The following MINDY2 variants were observed in gnomAD, a reference collection of about 807,000 sequenced individuals.
MINDY2 encodes MINDY lysine 48 deubiquitinase 2, also known as ubiquitin carboxyl-terminal hydrolase MINDY-2.
MINDY2 carries 52 observed loss-of-function variants against 68.2 expected under a neutral mutation model. That is an observed-to-expected ratio of 0.76 (90% CI 0.61 to 0.96). The LOEUF is 0.96. Ranked by LOEUF, MINDY2 falls within the 40% of genes least tolerant of loss-of-function variation. MINDY2 has a pLI of 0.00. For missense variants in MINDY2, 881 were observed against 773.4 expected (o/e 1.14, Z -1.65); for synonymous variants, 372 against 303.0 (o/e 1.23, Z -2.36).
chr15:58,795,521 C>G lies in MINDY2; in HGVS notation c.899-6792C>G, dbSNP rs543882115. Among the ~76,000 whole-genome samples the G allele has an allele frequency of 2.0e-5, 3 of 152,250 alleles. No individual in the cohort carries two copies. In the East Asian group the frequency reaches 5.8e-4, roughly 30 times the overall value. ...TCGGGTTCACGCCGTTCTCCTGCCTCAGCCTCCTGAGTAGCTGGGACTACA... is the reference window on the plus strand; with the variant it reads ...TCGGGTTCACGCCGTTCTCCTGCCTGAGCCTCCTGAGTAGCTGGGACTACA... On this transcript the variant is annotated intron_variant, in intron 2 of 8. Coordinates refer to ENST00000559228, the MANE Select transcript of MINDY2 (RefSeq NM_001040450.3).
chr15:58,828,050 T>C (rs2031508599), intron 5 of MINDY2, among the ~76,000 whole-genome samples: 1 of 151,462 alleles, frequency 6.6e-6, no homozygotes, highest in East Asian at 2.0e-4. Context: ...CTGGCCAACA[T>C]GGTGAGACCC....
At chr15:58,832,743 T>C (rs1051334423) in intron 6 of MINDY2, among the ~76,000 whole-genome samples, 1 of 151,596 alleles carries the variant, frequency 6.6e-6, no homozygotes, top group African/African-American at 2.4e-5. Context: ...GTCAGGCTGG[T>C]CTCAAACTCC....
intron 8 of MINDY2, 120 bp downstream of exon 8, chr15:58,852,085 GAGACC>G (rs1481213066): frequency 1.5e-6 from 1 of 677,916 alleles, no homozygotes; most frequent in East Asian, 3.0e-5. Context: ...CCAGGAGTTC[GAGACC>G]AGCCTGGCCA....
At chr15:58,791,055 G>A (rs1158996643) in intron 2 of MINDY2, among the ~76,000 whole-genome samples, 2 of 149,890 alleles carry the variant, frequency 1.3e-5, no homozygotes, top group Non-Finnish European at 1.5e-5. Flanking sequence ...TGGCGGGCAC[G>A]TGTAGTCCCA....
intron 2 of MINDY2, among the ~76,000 whole-genome samples, chr15:58,794,359 GTGTGT>G (rs1567045715): frequency 5.4e-5 from 1 of 18,420 alleles, no homozygotes; most frequent in African/African-American, 9.5e-5. Flanking sequence ...TTTTTTTGGG[GTGTGT>G]GTGTGTGTGT....
intron 6 of MINDY2, among the ~76,000 whole-genome samples, chr15:58,843,305 A>G (rs535069738): frequency 4.0e-4 from 61 of 152,118 alleles, no homozygotes; most frequent in African/African-American, 1.4e-3. Context: ...ATGTACCACT[A>G]CACCTGGCTA....
intron 1 of MINDY2, 28 bp downstream of exon 1, chr15:58,772,263 C>A: frequency 6.2e-7 from 1 of 1,604,204 alleles, no homozygotes; most frequent in Non-Finnish European, 8.5e-7. Context: ...CTACTTCCTA[C>A]AGCTTTTGGG....
chr15:58,840,911 G>A (rs1234404348), intron 6 of MINDY2, among the ~76,000 whole-genome samples: 2 of 146,034 alleles, frequency 1.4e-5, no homozygotes, highest in South Asian at 4.3e-4. Flanking sequence ...CTCGTGATCT[G>A]CCTGACTCGG....
chr15:58,771,493 C>T lies in MINDY2; in HGVS notation c.98C>T (p.Thr33Ile), dbSNP rs773512320. 1.2e-6 allele frequency: 2 copies of T among 1,612,318 alleles called. No homozygotes were observed. The highest frequency in any genetic ancestry group is 2.2e-5 in the East Asian group (1 of 44,878). ...TCTTCGCAGGAAGGGCTACAGGAGACCAGGCTCGCCGCTGGTGATGGTCCT... is the reference window on the plus strand; with the variant it reads ...TCTTCGCAGGAAGGGCTACAGGAGATCAGGCTCGCCGCTGGTGATGGTCCT... Reference protein sequence around the residue: ...TGSSQEGLQETRLAAGDGPGV... With the variant: ...TGSSQEGLQEIRLAAGDGPGV... The change falls in exon 1 of 9, where the codon ACC (threonine) becomes ATC (isoleucine). Residue 33 changes from threonine to isoleucine, a missense_variant. Physicochemically the swap from Thr to Ile is moderately conservative, Grantham distance 89 (BLOSUM62 -1). Transcript: ENST00000559228.
At chr15:58,836,788 T>A (rs1301629801) in intron 6 of MINDY2, among the ~76,000 whole-genome samples, 11 of 151,936 alleles carry the variant, frequency 7.2e-5, no homozygotes, top group South Asian at 2.1e-4. Flanking sequence ...CTGGCCAATT[T>A]AAAATTTTTT....
At chr15:58,822,055 G>A (rs954762874) in intron 5 of MINDY2, among the ~76,000 whole-genome samples, 1 of 152,058 alleles carries the variant, frequency 6.6e-6, no homozygotes, top group Non-Finnish European at 1.5e-5. Context: ...TTCAGGATCA[G>A]CCTGGCCAAC....
chr15:58,840,342 T>A (rs1277638871), intron 6 of MINDY2, among the ~76,000 whole-genome samples: 1 of 152,218 alleles, frequency 6.6e-6, no homozygotes, highest in Non-Finnish European at 1.5e-5. Context: ...TTATCATTCC[T>A]AGTTTTGTGG....
chr15:58,804,586 T>A (rs1241394182), intron 3 of MINDY2, among the ~76,000 whole-genome samples: 1 of 152,148 alleles, frequency 6.6e-6, no homozygotes, highest in Non-Finnish European at 1.5e-5. Flanking sequence ...AGCAGGCGGA[T>A]TGCTTGAGCC....
intron 1 of MINDY2, among the ~76,000 whole-genome samples, chr15:58,778,937 T>C (rs1377952331): frequency 3.3e-5 from 5 of 151,956 alleles, no homozygotes; most frequent in African/African-American, 1.2e-4. Context: ...AATTTTTGTA[T>C]TTTTAGTAGA....
rs1347282459 is a variant in MINDY2, at chr15:58,771,730, C to G, written c.335C>G (p.Pro112Arg). 4 of 1,611,698 alleles carry G rather than the reference C, an allele frequency of 2.5e-6. No homozygotes were observed. The highest frequency in any genetic ancestry group is 2.5e-6 in the Non-Finnish European group (3 of 1,179,608). ...GGGCAGTACAAGGTGACCGCCTCCC[C>G]GGAGACAGCCGTGGCCGGAGTGGGT... ...LRGQYKVTAS[P>R]ETAVAGVGHE... is the part of the protein sequence containing the mutation. The change falls in exon 1 of 9, where the codon CCG becomes CGG. Residue 112 changes from proline to arginine, a missense_variant. Physicochemically the swap from Pro to Arg is moderately radical, Grantham distance 103 (BLOSUM62 -2). Transcript: ENST00000559228.
intron 1 of MINDY2, among the ~76,000 whole-genome samples, chr15:58,772,669 T>C (rs1900514341): frequency 6.6e-6 from 1 of 152,232 alleles, no homozygotes; most frequent in South Asian, 2.1e-4. Flanking sequence ...TTTAGTTTGA[T>C]TTCCAACTAA....
In MINDY2 at chr15:58,772,126, A is replaced by G; in HGVS notation, c.731A>G (p.His244Arg). ...CGCTTCCCGGGACAATCTGTGTATC[A>G]CATCAAGTGGATCCAGTGGAAGGAA... is the stretch of plus-strand genomic sequence containing the variant. ...KERFPGQSVY[H>R]IKWIQWKEEN... The change falls in exon 1 of 9, where the codon CAC becomes CGC. Residue 244 changes from histidine to arginine, a missense_variant. By Grantham distance (29) the His-to-Arg change is conservative (BLOSUM62 0). Transcript: ENST00000559228. The G allele has an allele frequency of 2.5e-6, 4 of 1,614,108 alleles. No homozygotes were observed. Among genetic ancestry groups the G allele is most frequent in the Non-Finnish European group, 3.4e-6 (4 of 1,180,010 alleles).
At chr15:58,848,725 A>G (rs4774312) in intron 7 of MINDY2, among the ~76,000 whole-genome samples, 89,337 of 152,028 alleles carry the variant, frequency 0.59, 27,586 homozygotes, top group Middle Eastern at 0.73. Context: ...CAGCCTGGGC[A>G]ACAGAGCGAG....
At chr15:58,802,199 T>A in intron 2 of MINDY2, 114 bp from the exon 3 acceptor site, 1 of 697,544 alleles carries the variant, frequency 1.4e-6, no homozygotes, top group East Asian at 2.9e-5. Flanking sequence ...GTCAATTTTA[T>A]ATGTCAACTA....
Sources: allele counts gnomAD v4.1 joint callset (sites outside exome capture counted in the v4.1 genomes callset), GRCh38; gene constraint gnomAD v4.1.1; transcripts MANE v1.5; gene names NCBI Gene and HGNC (gene_info 2026-07-23, HGNC 2026-07-21).